FYTTD1: variants seen among roughly 807,000 people sequenced by gnomAD.
The protein encoded by FYTTD1 is UAP56-interacting factor.
FYTTD1 carries 22 observed loss-of-function variants against 40.9 expected under a neutral mutation model. The ratio of observed to expected loss-of-function variants is 0.54; its 90% CI spans 0.38 to 0.77. The LOEUF is 0.77. Ranked by LOEUF, FYTTD1 falls within the 30% of genes least tolerant of loss-of-function variation. FYTTD1 has a pLI of 0.00. For missense variants in FYTTD1, 351 were observed against 392.2 expected, an observed-to-expected ratio of 0.90 and a Z score of 0.89; for synonymous variants, 140 against 137.9, an observed-to-expected ratio of 1.01 and a Z score of -0.10.
intron 2 of FYTTD1, among the ~76,000 whole-genome samples, chr3:197,767,645 G>A (rs777973093): frequency 1.3e-5 from 2 of 152,028 alleles, no homozygotes; most frequent in Non-Finnish European, 2.9e-5. Flanking sequence ...TTAGAGGCGA[G>A]GCCTCACTAT....
Position 197,753,316 on chromosome 3 carries a change from A to G in FYTTD1, c.104-3110A>G, listed in dbSNP as rs549535323. The stretch of plus-strand genomic sequence containing the variant: ...TACCAATAGCTGGCCTCATGGTTCA[A>G]TTCCTTAATTTGAAAATCGGTGTTA... On this transcript the variant is annotated intron_variant, in intron 1 of 8. Coordinates refer to ENST00000241502, the MANE Select transcript of FYTTD1 (RefSeq NM_032288.7). Among the ~76,000 whole-genome samples the G allele has an allele frequency of 1.5e-3, 228 of 152,326 alleles. 1 individual carries two copies. Among genetic ancestry groups the G allele is most frequent in the African/African-American group, 5.2e-3 (217 of 41,572 alleles).
chr3:197,763,601 A>AC (rs1729455155), intron 2 of FYTTD1: 2 of 404,614 alleles, frequency 4.9e-6, no homozygotes, highest in Non-Finnish European at 9.6e-6. Context: ...ACATAGGGAG[A>AC]CCCCGTCTCT....
rs773985935 is a variant in FYTTD1 at position 197,773,532 on chromosome 3, T to C, written c.594+33T>C. On this transcript the variant is annotated intron_variant, in intron 5 of 8. Coordinates refer to ENST00000241502, the MANE Select transcript of FYTTD1 (RefSeq NM_032288.7). ...AAAACTTTGGCAGTGTTTTTGTTTG[T>C]TTGTTTGTTTTTTCCCAAAGAGGAT... is the stretch of plus-strand genomic sequence containing the variant. 3 of 1,272,312 alleles carry C rather than the reference T, an allele frequency of 2.4e-6. No individual in the cohort carries two copies. In the African/African-American group the frequency reaches 4.4e-5, roughly 19 times the overall value. 78.8% of individuals were successfully genotyped at this position (1,272,312 alleles called of 1,614,324 possible).
intron 2 of FYTTD1, among the ~76,000 whole-genome samples, chr3:197,757,430 C>T (rs912266054): frequency 3.3e-5 from 5 of 152,162 alleles, no homozygotes; most frequent in Admixed American, 3.3e-4. Context: ...TAAAAATAAT[C>T]TCCAGTAGGT....
intron 2 of FYTTD1, among the ~76,000 whole-genome samples, chr3:197,758,883 G>C (rs932950759): frequency 6.6e-6 from 1 of 152,188 alleles, no homozygotes; most frequent in Non-Finnish European, 1.5e-5. Context: ...GCAGATCCGC[G>C]GTATGATTTC....
chr3:197,756,149 G>T (rs1729207203), intron 1 of FYTTD1, among the ~76,000 whole-genome samples: 2 of 152,018 alleles, frequency 1.3e-5, no homozygotes, highest in African/African-American at 4.8e-5. Context: ...GAAATTGGAG[G>T]CTTCTGTGAT....
In FYTTD1 at chr3:197,750,079, G is replaced by GGGGCCGAGTT; in HGVS notation, c.103+8_103+17dup. On this transcript the variant is annotated splice_donor_region_variant and intron_variant, in intron 1 of 8. Transcript: ENST00000241502. ...ACAAAATAGATATGTCTTTGGGTGA[G>GGGGCCGAGTT]GGGCCGAGTTGGACCGAGTTGGAGT... is the stretch of plus-strand genomic sequence containing the variant. 4 of 1,561,702 alleles carry GGGGCCGAGTT rather than the reference G, an allele frequency of 2.6e-6. No homozygotes were observed. The highest frequency in any genetic ancestry group is 3.5e-6 in the Non-Finnish European group (4 of 1,153,956).
rs1158452943 is a variant in FYTTD1 at position 197,786,096 on chromosome 3, CTTTTTCTTT to C, written c.*4193_*4201del. On this transcript the variant is annotated 3_prime_UTR_variant, in exon 9 of 9. Coordinates refer to ENST00000241502, the MANE Select transcript of FYTTD1 (RefSeq NM_032288.7). ...CTCACCACAGTTTATTTTCTTTTTT[CTTTTTCTTT>C]TTTTTTTTTTCTTTTTTTTCTTTTT... The C allele has an allele frequency of 6.8e-6, 1 of 146,692 alleles. No individual in the cohort carries two copies. Among genetic ancestry groups the C allele is most frequent in the Non-Finnish European group, 1.5e-5 (1 of 66,454 alleles). The allele number at this position is 146,692 out of a possible 1,614,324, so 9.1% of individuals were successfully genotyped here. A position where few individuals can be genotyped will look rare whatever the true frequency, so the allele number is the denominator to read the frequency against.
At chr3:197,775,692 T>C (rs1351579324) in intron 6 of FYTTD1, among the ~76,000 whole-genome samples, 1 of 152,196 alleles carries the variant, frequency 6.6e-6, no homozygotes. Context: ...CTGTGGTGCA[T>C]GATTTTTAGC....
chr3:197,749,764 C>T, upstream of FYTTD1: 1 of 565,048 alleles, frequency 1.8e-6, no homozygotes, highest in African/African-American at 1.9e-5. Context: ...CCTGCGAGGG[C>T]CGCTAGGAGC....
chr3:197,768,926 G>T (rs995813461), intron 3 of FYTTD1, among the ~76,000 whole-genome samples: 2 of 151,862 alleles, frequency 1.3e-5, no homozygotes, highest in African/African-American at 4.8e-5. Flanking sequence ...CCGAGTAGCT[G>T]GGATTACAGG....
At chr3:197,763,649 TA>T in intron 2 of FYTTD1, 1 of 289,288 alleles carries the variant, frequency 3.5e-6, no homozygotes, top group Admixed American at 4.9e-5. Flanking sequence ...GTACTGAGAC[TA>T]AAAAGTTTGA....
Position 197,783,716 on chromosome 3 carries a change from C to T in FYTTD1, c.*1807C>T, listed in dbSNP as rs1282885961. The T allele has an allele frequency of 6.6e-6, 1 of 152,214 alleles. No individual in the cohort carries two copies. The highest frequency in any genetic ancestry group is 1.9e-4 in the East Asian group (1 of 5,206). The allele number at this position is 152,214 out of a possible 1,614,324, so 9.4% of individuals were successfully genotyped here. A position where few individuals can be genotyped will look rare whatever the true frequency, so the allele number is the denominator to read the frequency against. ...GAATTACTGGTAGCTTATTTTAAAG[C>T]AAGGAAAAGCAGCTGAGCTCAAGTT... On this transcript the variant is annotated 3_prime_UTR_variant, in exon 9 of 9. Transcript: ENST00000241502.
At chr3:197,779,114 T>C (rs1729953162) in intron 8 of FYTTD1, among the ~76,000 whole-genome samples, 1 of 152,164 alleles carries the variant, frequency 6.6e-6, no homozygotes, top group Non-Finnish European at 1.5e-5. Flanking sequence ...ACAAGGTTAA[T>C]AACAAAATTG....
intron 4 of FYTTD1, among the ~76,000 whole-genome samples, chr3:197,771,914 T>C (rs1016207951): frequency 4.0e-5 from 6 of 151,232 alleles, no homozygotes; most frequent in Admixed American, 3.3e-4. Flanking sequence ...GCCAACATGG[T>C]GAAACCCCAT....
At chr3:197,778,534 A>T in intron 8 of FYTTD1, 70 bp downstream of exon 8, 1 of 1,095,754 alleles carries the variant, frequency 9.1e-7, no homozygotes. Context: ...TATTTATTAT[A>T]ATAGTGAATT....
At chr3:197,758,242 A>G (rs996995314) in intron 2 of FYTTD1, among the ~76,000 whole-genome samples, 6 of 151,350 alleles carry the variant, frequency 4.0e-5, no homozygotes, top group Non-Finnish European at 7.4e-5. Flanking sequence ...ATGTTATTGA[A>G]CATACTATAT....
At chr3:197,769,983 AC>A (rs1459215483) in intron 3 of FYTTD1, 148 bp from the exon 4 acceptor site, 1 of 608,238 alleles carries the variant, frequency 1.6e-6, no homozygotes, top group Admixed American at 3.1e-5. Flanking sequence ...TGTAGACTGT[AC>A]AGTTTCAAGT....
Position 197,774,165 on chromosome 3 carries a change from A to G in FYTTD1, c.611A>G (p.Asn204Ser). The change falls in exon 6 of 9, where the codon AAT (asparagine) becomes AGT (serine). Residue 204 changes from asparagine to serine, a missense_variant. Asn to Ser is a conservative substitution (Grantham distance 46). Transcript: ENST00000241502. The stretch of plus-strand genomic sequence containing the variant: ...TCCCTTCAGGTGCAGGCCCAGTTGA[A>G]TACAGAACAACTGCTAGACGATGTA... ...RRGLKVQAQL[N>S]TEQLLDDVVA... The G allele has an allele frequency of 6.2e-7, 1 of 1,614,062 alleles. No individual in the cohort carries two copies. Among genetic ancestry groups the G allele is most frequent in the African/African-American group, 1.3e-5 (1 of 75,070 alleles).
Sources: allele counts gnomAD v4.1 joint callset (sites outside exome capture counted in the v4.1 genomes callset), GRCh38; gene constraint gnomAD v4.1.1; transcripts MANE v1.5; gene names NCBI Gene and HGNC (gene_info 2026-07-23, HGNC 2026-07-21).